Variants in ANK3 observed in about 807,000 individuals in gnomAD.
ANK3 encodes the protein ankyrin 3, also known as ankyrin-3.
In ANK3, 57 loss-of-function variants were observed where a neutral mutation model predicts 370.9. The observed-to-expected ratio is 0.15, with a 90% CI of 0.12 to 0.19. ANK3 has a LOEUF of 0.19. Ranked by LOEUF, ANK3 falls within the 10% of genes least tolerant of loss-of-function variation. ANK3 has a pLI of 1.00. For synonymous variants in ANK3, 1,929 were observed against 1,946.3 expected, an observed-to-expected ratio of 0.99 and a Z score of 0.23; for missense variants, 4,439 against 5,302.1, an observed-to-expected ratio of 0.84 and a Z score of 5.06.
chr10:60,548,254 C>CAGGCTGA (rs950566113), intron 2 of ANK3, among the ~76,000 whole-genome samples: 1 of 125,740 alleles, frequency 8.0e-6, no homozygotes, highest in African/African-American at 3.0e-5. Context: ...CTCTGTCAGC[C>CAGGCTGA]AGGCTGAAGT....
chr10:60,705,196 G>A (rs2079597977), intron 1 of ANK3, among the ~76,000 whole-genome samples: 1 of 152,038 alleles, frequency 6.6e-6, no homozygotes, highest in Admixed American at 6.6e-5. Context: ...TGTCTTTTGA[G>A]TTAAGTGAGA....
At chr10:60,283,204 A>C (rs919603192) in intron 1 of ANK3, among the ~76,000 whole-genome samples, 3 of 152,182 alleles carry the variant, frequency 2.0e-5, no homozygotes, top group Admixed American at 1.3e-4. Context: ...CCCATAGAGA[A>C]TATATTGCTG....
intron 2 of ANK3, among the ~76,000 whole-genome samples, chr10:60,498,428 G>A (rs1400586438): frequency 6.6e-6 from 1 of 152,054 alleles, no homozygotes; most frequent in East Asian, 1.9e-4. Flanking sequence ...GCCTCACTCT[G>A]TCACCCAGGC....
Position 60,071,884 on chromosome 10 carries a change from C to T in ANK3, c.8997G>A (p.Met2999Ile). 2.5e-6 allele frequency: 4 copies of T among 1,614,088 alleles called. No individual in the cohort carries two copies. The highest frequency in any genetic ancestry group is 3.4e-6 in the Non-Finnish European group (4 of 1,180,004). ...GCTGTGTCTCAACTGTCTCTTTACT[C>T]ATGCTTGACTGGGACAATTTTTGTG... The part of the protein sequence containing the change: ...ELSQKLSQSS[M>I]SKETVETQHF... The change falls in exon 37 of 44, where the codon ATG (methionine) becomes ATA (isoleucine). Residue 2999 changes from methionine to isoleucine, a missense_variant. Around this residue, in one of 13 missense-constraint regions of ANK3, gnomAD observed 1,601 missense variants for 1,731.7 expected, o/e 0.92. Transcript: ENST00000280772.
intron 23 of ANK3, among the ~76,000 whole-genome samples, chr10:60,145,081 T>A (rs571803309): frequency 2.0e-5 from 3 of 152,210 alleles, no homozygotes; most frequent in African/African-American, 7.2e-5. Flanking sequence ...GAGACTTCAG[T>A]CATAAAGTTC....
At chr10:60,656,276 G>A (rs2078862433) in intron 1 of ANK3, among the ~76,000 whole-genome samples, 1 of 144,470 alleles carries the variant, frequency 6.9e-6, no homozygotes, top group South Asian at 2.3e-4. Context: ...CATCTAAGTT[G>A]TTAAATGTAT....
chr10:60,082,544 C>G, intron 34 of ANK3, 71 bp downstream of exon 34: 1 of 1,565,796 alleles, frequency 6.4e-7, no homozygotes, highest in East Asian at 2.2e-5. Flanking sequence ...CAAAGCATTC[C>G]TTAATTGCAT....
In ANK3 at chr10:60,059,326, T is replaced by A. The variant is rs761976657; in HGVS notation, c.12686+14A>T. On this transcript the variant is annotated intron_variant, in intron 41 of 43. Transcript: ENST00000280772. The stretch of plus-strand genomic sequence containing the variant: ...TAACCTGTGTTCACTTTCCTTTTTT[T>A]GAAACAGCCATACCTGTCATCCAGT... The A allele has an allele frequency of 6.2e-7, 1 of 1,611,258 alleles. No individual in the cohort carries two copies.
At chr10:60,293,352 C>G (rs1294859553) in intron 1 of ANK3, among the ~76,000 whole-genome samples, 2 of 152,114 alleles carry the variant, frequency 1.3e-5, no homozygotes, top group Admixed American at 6.6e-5. Flanking sequence ...AACTAGTAAA[C>G]TGGTAAGCAA....
rs74155650 is a variant in ANK3 at position 60,663,201 on chromosome 10, G to C, written c.58-47977C>G. On this transcript the variant is annotated intron_variant, in intron 1 of 43. Transcript: ENST00000373827. ...TCGTATTGTACATTCTTGGCCACCA[G>C]GAGGTTTGAAATTCTGATTCAAGAA... Among the ~76,000 whole-genome samples, 1,348 of 152,274 alleles carry C rather than the reference G, an allele frequency of 8.9e-3. 15 individuals are homozygous for C. Among genetic ancestry groups the C allele is most frequent in the African/African-American group, 0.031 (1,282 of 41,552 alleles).
chr10:60,570,296 C>T (rs1437873787), intron 2 of ANK3, among the ~76,000 whole-genome samples: 2 of 152,110 alleles, frequency 1.3e-5, no homozygotes, highest in Non-Finnish European at 2.9e-5. Context: ...TATCTGATAG[C>T]TTGAAAAAGA....
In ANK3 at chr10:60,180,594, C is replaced by CAAA. The variant is rs58386273; in HGVS notation, c.2184+732_2184+734dup. On this transcript the variant is annotated intron_variant, in intron 18 of 43. Transcript: ENST00000280772. Reference sequence around the variant, plus strand: ...CTGGTAACAGAGTGAGACTCCGTCTCAAAAAAAAAAAAAAAAAAACCAAAA... The same window carrying CAAA: ...CTGGTAACAGAGTGAGACTCCGTCTCAAAAAAAAAAAAAAAAAAAAAACCAAAA... Among the ~76,000 whole-genome samples the CAAA allele has an allele frequency of 9.5e-3, 597 of 63,146 alleles. 39 individuals carry two copies. The highest frequency in any genetic ancestry group is 0.052 in the East Asian group (103 of 1,992). The allele number at this position is 63,146 out of a possible 152,430, so 41.4% of individuals were successfully genotyped here. A position where few individuals can be genotyped will look rare whatever the true frequency, so the allele number is the denominator to read the frequency against.
Position 60,644,511 on chromosome 10 carries a change from T to C in ANK3, c.58-29287A>G, listed in dbSNP as rs556265069. ...TTCTTTGAACCAAATGAAGGCATAATTGTCTTTAAAAGTACCAATTTTTCT... is the reference window on the plus strand; with the variant it reads ...TTCTTTGAACCAAATGAAGGCATAACTGTCTTTAAAAGTACCAATTTTTCT... On this transcript the variant is annotated intron_variant, in intron 1 of 43. Transcript: ENST00000373827. Among the ~76,000 whole-genome samples the C allele has an allele frequency of 3.9e-5, 6 of 151,960 alleles. No individual in the cohort carries two copies. The East Asian group carries it at 9.6e-4, about 24-fold the overall frequency.
chr10:60,446,266 T>C (rs1271922838), intron 2 of ANK3, among the ~76,000 whole-genome samples: 6 of 152,156 alleles, frequency 3.9e-5, no homozygotes, highest in Non-Finnish European at 5.9e-5. Context: ...CTCCGTCACA[T>C]TGGAATGCAC....
chr10:60,728,817 GTA>G (rs2079979750), intron 1 of ANK3, among the ~76,000 whole-genome samples: 1 of 152,166 alleles, frequency 6.6e-6, no homozygotes, highest in Non-Finnish European at 1.5e-5. Context: ...ATTACAGCTT[GTA>G]TAGTCTTCCT....
At chr10:60,262,761 C>T (rs73271409) in intron 6 of ANK3, among the ~76,000 whole-genome samples, 67 of 152,202 alleles carry the variant, frequency 4.4e-4, no homozygotes, top group African/African-American at 1.5e-3. Flanking sequence ...CATGCACAAC[C>T]CTAAAAAACG....
chr10:60,227,370 G>A (rs2097179276), intron 8 of ANK3, among the ~76,000 whole-genome samples: 1 of 151,328 alleles, frequency 6.6e-6, no homozygotes, highest in Non-Finnish European at 1.5e-5. Flanking sequence ...TTTTCTTTTT[G>A]ATTTTTTGAC....
At chr10:60,287,205 A>T (rs993125735) in intron 1 of ANK3, among the ~76,000 whole-genome samples, 1 of 152,122 alleles carries the variant, frequency 6.6e-6, no homozygotes, top group African/African-American at 2.4e-5. Context: ...ACATATATAT[A>T]TTTTTAAATC....
At chr10:60,670,170 T>C (rs1230840469) in intron 1 of ANK3, among the ~76,000 whole-genome samples, 1 of 152,024 alleles carries the variant, frequency 6.6e-6, no homozygotes, top group Admixed American at 6.6e-5. Context: ...ATGAATATAC[T>C]CTGACCTCCC....
Sources: allele counts gnomAD v4.1 joint callset (sites outside exome capture counted in the v4.1 genomes callset), GRCh38; gene constraint gnomAD v4.1.1; regional missense constraint gnomAD v4.1.1; transcripts MANE v1.5; gene names NCBI Gene and HGNC (gene_info 2026-07-23, HGNC 2026-07-21).